Variants in CELF1 observed in about 807,000 individuals in gnomAD.
CELF1 encodes CUGBP Elav-like family member 1, also known as 50 kDa nuclear polyadenylated RNA-binding protein.
Under a neutral mutation model 61.8 loss-of-function variants are expected in CELF1, and 10 were observed. The ratio of observed to expected loss-of-function variants is 0.16; its 90% CI spans 0.10 to 0.27. CELF1 has a LOEUF of 0.27. Among genes scored for constraint, CELF1 ranks in the 10% least tolerant of loss-of-function variants. The probability of loss-of-function intolerance (pLI) is 1.00; values close to 1 mark genes in which losing one functional copy is unlikely to be tolerated. For missense variants in CELF1, 380 were observed against 639.1 expected, an observed-to-expected ratio of 0.59 and a Z score of 4.37; for synonymous variants, 236 against 225.1, an observed-to-expected ratio of 1.05 and a Z score of -0.43.
At chr11:47,472,631 T>A (rs1007571476) in intron 14 of CELF1, among the ~76,000 whole-genome samples, 3 of 152,178 alleles carry the variant, frequency 2.0e-5, no homozygotes, top group African/African-American at 7.2e-5. Flanking sequence ...CATGGTTCAC[T>A]GCAACCTTGG....
At chr11:47,546,253 T>TTTTG (rs2096944135) in intron 1 of CELF1, among the ~76,000 whole-genome samples, 4 of 23,556 alleles carry the variant, frequency 1.7e-4, no homozygotes, top group Admixed American at 4.8e-4. Flanking sequence ...TTTTTTTTTT[T>TTTTG]GGGCGGGGGC....
intron 1 of CELF1, among the ~76,000 whole-genome samples, chr11:47,512,283 G>C (rs2095253900): frequency 6.6e-6 from 1 of 152,170 alleles, no homozygotes; most frequent in South Asian, 2.1e-4. Context: ...CTCCTGAGTA[G>C]CTGGGACTAC....
rs1443319470 is a variant in CELF1, at chr11:47,468,436, A to G, written c.*3794T>C. On this transcript the variant is annotated 3_prime_UTR_variant, in exon 15 of 15. Coordinates refer to ENST00000687097, the MANE Select transcript of CELF1 (RefSeq NM_001376376.1). The stretch of plus-strand genomic sequence containing the variant: ...TCTTTTATTTCATTGTTTACTTCAA[A>G]GTTGTCTTTAAAACTAAGCACACAG... The G allele has an allele frequency of 6.6e-6, 1 of 152,632 alleles. No individual in the cohort carries two copies. Among genetic ancestry groups the G allele is most frequent in the Non-Finnish European group, 1.5e-5 (1 of 68,036 alleles). 9.5% of individuals were successfully genotyped at this position (152,632 alleles called of 1,614,324 possible).
rs944969513 is a variant in CELF1, at chr11:47,481,174, C to T, written c.768+1521G>A. On this transcript the variant is annotated intron_variant, in intron 9 of 14. Coordinates refer to ENST00000687097, the MANE Select transcript of CELF1 (RefSeq NM_001376376.1). ...TTGCCCAGGCTGGAGTGCAATGGTGCGATCTTGGCTCACTGCAACCTCCGC... is the reference window on the plus strand; with the variant it reads ...TTGCCCAGGCTGGAGTGCAATGGTGTGATCTTGGCTCACTGCAACCTCCGC... 1.7e-4 allele frequency among the ~76,000 whole-genome samples: 20 copies of T among 116,580 alleles called. No individual in the cohort carries two copies. The Admixed American group carries it at 2.2e-3, about 13-fold the overall frequency. 76.5% of individuals were successfully genotyped at this position (116,580 alleles called of 152,430 possible).
chr11:47,491,749 C>T (rs759989195), intron 3 of CELF1, among the ~76,000 whole-genome samples: 1 of 152,230 alleles, frequency 6.6e-6, no homozygotes, highest in Non-Finnish European at 1.5e-5. Flanking sequence ...AAACTGACAG[C>T]TCCTTGCAGG....
intron 1 of CELF1, among the ~76,000 whole-genome samples, chr11:47,536,041 C>T (rs1421153092): frequency 3.3e-5 from 5 of 152,148 alleles, no homozygotes; most frequent in Admixed American, 2.6e-4. Context: ...GGATTATAGG[C>T]ATGAGCCACT....
intron 10 of CELF1, among the ~76,000 whole-genome samples, chr11:47,478,401 T>G (rs1489367925): frequency 2.0e-5 from 3 of 152,142 alleles, no homozygotes; most frequent in Non-Finnish European, 4.4e-5. Flanking sequence ...TGTACGATAA[T>G]AGCAACAACA....
At position 47,476,975 on chromosome 11, in the gene CELF1, G is replaced by C; in HGVS notation, c.974-16C>G. The stretch of plus-strand genomic sequence containing the variant: ...GAGGACCCTGCTATTAGAAAGCAAG[G>C]AGTTAAAATTCAACCCATCACTGGC... On this transcript the variant is annotated splice_polypyrimidine_tract_variant and intron_variant, in intron 11 of 14. Coordinates refer to ENST00000687097, the MANE Select transcript of CELF1 (RefSeq NM_001376376.1). The C allele has an allele frequency of 6.3e-7, 1 of 1,599,686 alleles. No individual in the cohort carries two copies.
rs2094370552 is a variant in CELF1 at position 47,505,092 on chromosome 11, A to C, written c.-153-4160T>G. ...GTTTTCCATTTCCTCCCCTATCCTT[A>C]ATCACAGAAAGACTCTGTACTCAGC... On this transcript the variant is annotated intron_variant, in intron 1 of 14. Coordinates refer to ENST00000687097, the MANE Select transcript of CELF1 (RefSeq NM_001376376.1). 2.0e-5 allele frequency among the ~76,000 whole-genome samples: 3 copies of C among 151,082 alleles called. No homozygotes were observed. The Admixed American group carries it at 2.0e-4, about 10-fold the overall frequency.
chr11:47,539,024 ATTTTT>A (rs1347861752), intron 1 of CELF1, among the ~76,000 whole-genome samples: 1 of 152,032 alleles, frequency 6.6e-6, no homozygotes, highest in Non-Finnish European at 1.5e-5. Context: ...GCCCATCAAC[ATTTTT>A]TTAAGAGGAA....
At chr11:47,499,779 C>T (rs564432986) in intron 2 of CELF1, 175 bp from the exon 3 acceptor site, 142 of 466,334 alleles carry the variant, frequency 3.0e-4, no homozygotes, top group Non-Finnish European at 4.8e-4. Context: ...TGCTGATGCG[C>T]CAGGCTTGTT....
intron 14 of CELF1, 34 bp from the exon 15 acceptor site, chr11:47,472,391 A>G: frequency 6.2e-7 from 1 of 1,607,608 alleles, no homozygotes; most frequent in Non-Finnish European, 8.5e-7. Context: ...GGTGAGGGAC[A>G]TAATGAGGCA....
intron 1 of CELF1, among the ~76,000 whole-genome samples, chr11:47,512,502 A>G (rs551976702): frequency 1.4e-5 from 2 of 144,318 alleles, no homozygotes; most frequent in Admixed American, 1.4e-4. Flanking sequence ...CTGCCCAGCT[A>G]ATTTTTTTTG....
intron 9 of CELF1, among the ~76,000 whole-genome samples, chr11:47,481,679 G>GA (rs1462018300): frequency 6.6e-6 from 1 of 152,104 alleles, no homozygotes; most frequent in Non-Finnish European, 1.5e-5. Flanking sequence ...CAAATGGGTG[G>GA]TTTTAACTGT....
intron 3 of CELF1, among the ~76,000 whole-genome samples, chr11:47,497,010 C>A (rs1038570643): frequency 6.6e-6 from 1 of 152,132 alleles, no homozygotes; most frequent in African/African-American, 2.4e-5. Context: ...AAGATTAGCA[C>A]CCAGTCTCAG....
intron 1 of CELF1, among the ~76,000 whole-genome samples, chr11:47,514,145 G>T (rs2095417311): frequency 6.6e-6 from 1 of 151,870 alleles, no homozygotes; most frequent in South Asian, 2.1e-4. Context: ...GGCCAGGCTG[G>T]AACTCCTGAC....
chr11:47,556,743 GT>G (rs1315273150), upstream of CELF1, among the ~76,000 whole-genome samples: 1 of 152,082 alleles, frequency 6.6e-6, no homozygotes, highest in African/African-American at 2.4e-5. Flanking sequence ...GCCTGGCATG[GT>G]GGCATGTACA....
At chr11:47,553,381 C>A (rs980640305), upstream of CELF1, among the ~76,000 whole-genome samples, 4 of 152,182 alleles carry the variant, frequency 2.6e-5, no homozygotes, top group Non-Finnish European at 4.4e-5. Context: ...AGGGGCGCAT[C>A]TCTTTGTCTC....
At chr11:47,559,375 T>G (rs1163975925) in intron 2 of CELF1, among the ~76,000 whole-genome samples, 12 of 151,810 alleles carry the variant, frequency 7.9e-5, no homozygotes, top group African/African-American at 2.2e-4. Flanking sequence ...TTTTTTTTTT[T>G]TGTGAGACAA....
Sources: gnomAD v4.1 joint callset for allele counts (sites outside exome capture counted in the v4.1 genomes callset) on GRCh38, gnomAD v4.1.1 for gene constraint, MANE v1.5 for transcripts, NCBI Gene and HGNC (gene_info 2026-07-23, HGNC 2026-07-21) for gene names.